The following HSD17B12 variants were observed in gnomAD, a reference collection of about 807,000 sequenced individuals.
HSD17B12 encodes the protein very-long-chain 3-oxoacyl-CoA reductase.
A neutral mutation model predicts 39.3 loss-of-function variants in HSD17B12; 32 were observed. That is an observed-to-expected ratio of 0.81 (90% CI 0.61 to 1.09). The LOEUF (loss-of-function observed/expected upper bound fraction) is 1.09. Ranked by LOEUF, HSD17B12 falls within the 50% of genes least tolerant of loss-of-function variation. The probability of loss-of-function intolerance (pLI) is 0.00; values close to 1 mark genes in which losing one functional copy is unlikely to be tolerated. For synonymous variants in HSD17B12, 150 were observed against 146.7 expected, an observed-to-expected ratio of 1.02 and a Z score of -0.16; for missense variants, 342 against 382.9, an observed-to-expected ratio of 0.89 and a Z score of 0.89.
the HSD17B12 span, among the ~76,000 whole-genome samples, chr11:43,632,525 T>C: frequency 1.3e-5 from 2 of 152,230 alleles, no homozygotes; most frequent in African/African-American, 2.4e-5. Flanking sequence ...TTCCTACTTA[T>C]GTATTTGCCA....
the HSD17B12 span, among the ~76,000 whole-genome samples, chr11:43,607,610 A>G: frequency 6.6e-6 from 1 of 152,158 alleles, no homozygotes; most frequent in African/African-American, 2.4e-5. Flanking sequence ...CTAATAATAT[A>G]CCCACTTCAC....
chr11:43,600,995 C>G, the HSD17B12 span, among the ~76,000 whole-genome samples: 1 of 151,668 alleles, frequency 6.6e-6, no homozygotes, highest in African/African-American at 2.4e-5. Flanking sequence ...GATTTAAGTC[C>G]TTTCCATATA....
At chr11:43,724,309 T>C (rs1950202069) in intron 1 of HSD17B12, among the ~76,000 whole-genome samples, 1 of 151,248 alleles carries the variant, frequency 6.6e-6, no homozygotes, top group Admixed American at 6.6e-5. Flanking sequence ...CATAAAATAT[T>C]TTGCATAAAA....
intron 3 of HSD17B12, among the ~76,000 whole-genome samples, chr11:43,757,319 T>C (rs905742960): frequency 2.0e-5 from 3 of 152,162 alleles, no homozygotes; most frequent in African/African-American, 7.2e-5. Context: ...CTCAAAGAAC[T>C]TAAGTGCAGG....
At chr11:43,672,315 C>T in the HSD17B12 span, among the ~76,000 whole-genome samples, 1 of 152,118 alleles carries the variant, frequency 6.6e-6, no homozygotes, top group Admixed American at 6.5e-5. Context: ...TCCCAAAGTG[C>T]TGGGATTACA....
rs1356488895 is a variant in HSD17B12 at position 43,680,991 on chromosome 11, A to G, written c.160+4A>G. On this transcript the variant is annotated splice_donor_region_variant and intron_variant, in intron 1 of 10. Coordinates refer to ENST00000278353, the MANE Select transcript of HSD17B12 (RefSeq NM_016142.3). ...CCGGGGCTCGGAGAATGGGCAGGTG[A>G]GTCGGATGCAGCGCCGCGTCCTCGC... 1 of 1,585,576 alleles carries G rather than the reference A, an allele frequency of 6.3e-7. No homozygotes were observed. Among genetic ancestry groups the G allele is most frequent in the East Asian group, 2.3e-5 (1 of 44,082 alleles).
intron 6 of HSD17B12, among the ~76,000 whole-genome samples, chr11:43,824,400 A>G (rs1172433694): frequency 2.0e-5 from 3 of 152,226 alleles, no homozygotes; most frequent in African/African-American, 7.2e-5. Context: ...CTAACAAAAT[A>G]CCTTAGATTG....
At chr11:43,600,962 C>G in the HSD17B12 span, among the ~76,000 whole-genome samples, 1 of 151,698 alleles carries the variant, frequency 6.6e-6, no homozygotes, top group Non-Finnish European at 1.5e-5. Flanking sequence ...CACTTTATCC[C>G]CCAGGTCTAT....
chr11:43,619,255 TA>T, the HSD17B12 span, among the ~76,000 whole-genome samples: 3 of 130,202 alleles, frequency 2.3e-5, no homozygotes, highest in African/African-American at 3.1e-5. Flanking sequence ...AATATATATA[TA>T]TATTTTATAT....
intron 9 of HSD17B12, among the ~76,000 whole-genome samples, chr11:43,841,568 T>C (rs1427049106): frequency 6.6e-6 from 1 of 152,224 alleles, no homozygotes; most frequent in East Asian, 1.9e-4. Context: ...TTTGAGTTTA[T>C]TATGTAGCTA....
intron 1 of HSD17B12, among the ~76,000 whole-genome samples, chr11:43,722,951 C>T (rs1950188686): frequency 6.6e-6 from 1 of 152,008 alleles, no homozygotes; most frequent in African/African-American, 2.4e-5. Context: ...GCAAAGATGC[C>T]CCTGGTTGCT....
the HSD17B12 span, among the ~76,000 whole-genome samples, chr11:43,560,770 C>A: frequency 6.6e-6 from 1 of 152,180 alleles, no homozygotes; most frequent in Non-Finnish European, 1.5e-5. Flanking sequence ...TTAAACCAAC[C>A]ATGGAGCTCT....
intron 3 of HSD17B12, among the ~76,000 whole-genome samples, chr11:43,763,611 T>TTA (rs34924658): frequency 0.24 from 35,148 of 145,426 alleles, 4,436 homozygotes; most frequent in Middle Eastern, 0.42. Context: ...TAAGGTTATC[T>TTA]TATATATATA....
the HSD17B12 span, among the ~76,000 whole-genome samples, chr11:43,657,159 C>T: frequency 6.6e-6 from 1 of 152,262 alleles, no homozygotes; most frequent in South Asian, 2.1e-4. Context: ...TATGTAATGG[C>T]CTTCTTTGTC....
chr11:43,703,087 C>A (rs1949980942), intron 1 of HSD17B12, among the ~76,000 whole-genome samples: 2 of 152,040 alleles, frequency 1.3e-5, no homozygotes, highest in South Asian at 4.1e-4. Flanking sequence ...GTAATACTGG[C>A]CTCATAGAAA....
intron 1 of HSD17B12, among the ~76,000 whole-genome samples, chr11:43,741,602 T>C (rs1950364945): frequency 6.6e-6 from 1 of 152,132 alleles, no homozygotes; most frequent in Admixed American, 6.5e-5. Context: ...TTGGTTTACC[T>C]TTCTAAAATT....
At chr11:43,690,395 TATA>T (rs1565049784) in intron 1 of HSD17B12, among the ~76,000 whole-genome samples, 16 of 35,498 alleles carry the variant, frequency 4.5e-4, no homozygotes, top group African/African-American at 2.4e-3. Flanking sequence ...TATATATATA[TATA>T]TATATATTTT....
chr11:43,601,525 A>T, the HSD17B12 span, among the ~76,000 whole-genome samples: 1 of 142,700 alleles, frequency 7.0e-6, no homozygotes, highest in African/African-American at 2.6e-5. Context: ...TTTTTAAAGT[A>T]GCCTGAGGGC....
intron 9 of HSD17B12, among the ~76,000 whole-genome samples, chr11:43,849,275 A>G (rs1171644196): frequency 6.6e-6 from 1 of 152,198 alleles, no homozygotes; most frequent in Non-Finnish European, 1.5e-5. Context: ...ACTGCACTCC[A>G]GCCTGGGTGA....
Sources: allele counts gnomAD v4.1 joint callset (sites outside exome capture counted in the v4.1 genomes callset), GRCh38; gene constraint gnomAD v4.1.1; transcripts MANE v1.5; gene names NCBI Gene and HGNC (gene_info 2026-07-23, HGNC 2026-07-21).